PTH2R: variants seen among roughly 807,000 people sequenced by gnomAD.
The protein encoded by PTH2R is PTH2 receptor.
PTH2R carries 59 observed loss-of-function variants against 60.3 expected under a neutral mutation model. The ratio of observed to expected loss-of-function variants is 0.98; its 90% CI spans 0.79 to 1.22. PTH2R has a LOEUF of 1.22. Ranked by LOEUF, PTH2R falls within the 50% of genes most tolerant of loss-of-function variation. The pLI, the probability that PTH2R is intolerant of heterozygous loss-of-function variation, is 0.00. For synonymous variants in PTH2R, 256 were observed against 243.8 expected, an observed-to-expected ratio of 1.05 and a Z score of -0.47; for missense variants, 749 against 682.6, an observed-to-expected ratio of 1.10 and a Z score of -1.08.
At chr2:208,467,121 A>G (rs887283717) in intron 9 of PTH2R, among the ~76,000 whole-genome samples, 2 of 152,070 alleles carry the variant, frequency 1.3e-5, no homozygotes, top group African/African-American at 2.4e-5. Flanking sequence ...CTCCTTGGAG[A>G]TGTCAGACTT....
chr2:208,444,098 C>T (rs1002818841), intron 6 of PTH2R, among the ~76,000 whole-genome samples: 1 of 152,192 alleles, frequency 6.6e-6, no homozygotes, highest in African/African-American at 2.4e-5. Flanking sequence ...CTGTCTGGAT[C>T]TGTGCCTTTG....
chr2:208,470,339 G>T (rs1403980480), intron 9 of PTH2R, among the ~76,000 whole-genome samples: 1 of 152,104 alleles, frequency 6.6e-6, no homozygotes, highest in Admixed American at 6.5e-5. Context: ...GTCTTTCTAG[G>T]CCCTGCTCAA....
At chr2:208,413,169 A>G (rs1423553415) in intron 1 of PTH2R, among the ~76,000 whole-genome samples, 1 of 151,580 alleles carries the variant, frequency 6.6e-6, no homozygotes, top group Admixed American at 6.6e-5. Context: ...ACACACACAC[A>G]CAGAATGTTT....
chr2:208,407,078 G>C lies in PTH2R; in HGVS notation c.35G>C (p.Gly12Ala). 7.2e-7 allele frequency: 1 copy of C among 1,397,200 alleles called. No homozygotes were observed. The highest frequency in any genetic ancestry group is 9.4e-7 in the Non-Finnish European group (1 of 1,068,792). The allele number at this position is 1,397,200 out of a possible 1,614,324, so 86.6% of individuals were successfully genotyped here. A position where few individuals can be genotyped will look rare whatever the true frequency, so the allele number is the denominator to read the frequency against. The part of the protein sequence containing the change: ...AGLGASLHVW[G>A]WLMLGSCLLA... ...CTGGGGGCGTCGCTCCACGTCTGGG[G>C]TTGGCTAATGCTCGGCAGCTGCCTC... Residue 12 changes from glycine (G) to alanine (A), a missense_variant, in exon 1 of 13, where the codon GGT becomes GCT. By Grantham distance (60) the Gly-to-Ala change is moderately conservative. Coordinates refer to ENST00000272847, the MANE Select transcript of PTH2R (RefSeq NM_005048.4).
At chr2:208,431,700 G>A (rs1701974381) in intron 2 of PTH2R, among the ~76,000 whole-genome samples, 1 of 152,210 alleles carries the variant, frequency 6.6e-6, no homozygotes, top group Admixed American at 6.5e-5. Context: ...AGTGGGAGAA[G>A]TATCATCTTT....
intron 1 of PTH2R, among the ~76,000 whole-genome samples, chr2:208,394,728 T>G (rs938657696): frequency 1.3e-5 from 2 of 152,226 alleles, no homozygotes; most frequent in Non-Finnish European, 2.9e-5. Context: ...CTCTATATCC[T>G]GTTATTATGG....
At chr2:208,435,305 C>T (rs1448253947) in intron 2 of PTH2R, among the ~76,000 whole-genome samples, 1 of 152,126 alleles carries the variant, frequency 6.6e-6, no homozygotes, top group Non-Finnish European at 1.5e-5. Flanking sequence ...GATGGCCCTC[C>T]AAGGATGTCC....
At chr2:208,396,993 T>C (rs1701221799) in intron 1 of PTH2R, among the ~76,000 whole-genome samples, 1 of 152,152 alleles carries the variant, frequency 6.6e-6, no homozygotes, top group Admixed American at 6.5e-5. Flanking sequence ...AGGATGAGTT[T>C]ATGTCCTTTG....
At chr2:208,482,999 T>C (rs1200885217) in intron 10 of PTH2R, among the ~76,000 whole-genome samples, 1 of 152,240 alleles carries the variant, frequency 6.6e-6, no homozygotes, top group Non-Finnish European at 1.5e-5. Flanking sequence ...GCATTGTCTT[T>C]ACATAATCCT....
At chr2:208,395,578 G>A (rs767407725) in intron 1 of PTH2R, among the ~76,000 whole-genome samples, 16 of 152,134 alleles carry the variant, frequency 1.1e-4, no homozygotes, top group Non-Finnish European at 2.4e-4. Flanking sequence ...TACTTTTCTA[G>A]GCTCTACAAA....
chr2:208,437,624 A>G lies in PTH2R; in HGVS notation c.266A>G (p.Tyr89Cys). ...ATATCGGCTGTTCCATGCCCTCCTT[A>G]TATTTATGACTTCAACCATAAAGGT... ...GKISAVPCPP[Y>C]IYDFNHKGVA... is the part of the protein sequence containing the mutation. The change falls in exon 3 of 13, where the codon TAT (tyrosine) becomes TGT (cysteine). Residue 89 changes from tyrosine to cysteine, a missense_variant. Tyr to Cys is a radical substitution (Grantham distance 194). Coordinates refer to ENST00000272847, the MANE Select transcript of PTH2R (RefSeq NM_005048.4). 2.5e-6 allele frequency: 4 copies of G among 1,613,164 alleles called. No homozygotes were observed. The highest frequency in any genetic ancestry group is 3.4e-6 in the Non-Finnish European group (4 of 1,179,658).
intron 9 of PTH2R, among the ~76,000 whole-genome samples, chr2:208,471,369 G>A (rs1436356860): frequency 6.6e-6 from 1 of 152,156 alleles, no homozygotes; most frequent in Non-Finnish European, 1.5e-5. Flanking sequence ...TGGTTTTGTG[G>A]GCTAGGCCCA....
At chr2:208,469,250 G>A (rs1702826851) in intron 9 of PTH2R, among the ~76,000 whole-genome samples, 1 of 152,160 alleles carries the variant, frequency 6.6e-6, no homozygotes. Context: ...TTGTTTTTTA[G>A]TCATGCATTA....
chr2:208,387,855 AT>A (rs1174406930), intron 1 of PTH2R, among the ~76,000 whole-genome samples: 1 of 152,208 alleles, frequency 6.6e-6, no homozygotes, highest in African/African-American at 2.4e-5. Context: ...CATGTTAAAT[AT>A]CTTATTCCAG....
chr2:208,442,528 C>A lies in PTH2R; in HGVS notation c.509+67C>A. The stretch of plus-strand genomic sequence containing the variant: ...TCTTTCCTATCCAGAGAAGACATAG[C>A]GGTCTCACAATATTTTCCAAATGTT... On this transcript the variant is annotated intron_variant, in intron 5 of 12. Transcript: ENST00000272847. 4 of 1,214,702 alleles carry A rather than the reference C, an allele frequency of 3.3e-6. No homozygotes were observed. In the South Asian group the frequency reaches 4.9e-5, roughly 15 times the overall value. The allele number at this position is 1,214,702 out of a possible 1,614,324, so 75.2% of individuals were successfully genotyped here.
chr2:208,380,933 C>G (rs958217985), intron 1 of PTH2R, among the ~76,000 whole-genome samples: 2 of 152,056 alleles, frequency 1.3e-5, no homozygotes, highest in African/African-American at 4.8e-5. Flanking sequence ...AATGGATGCT[C>G]TGATTCCTCT....
intron 9 of PTH2R, among the ~76,000 whole-genome samples, chr2:208,462,822 G>A (rs910663932): frequency 6.6e-6 from 1 of 152,202 alleles, no homozygotes; most frequent in African/African-American, 2.4e-5. Flanking sequence ...GTTGAGCGTG[G>A]GTGTGGAATA....
chr2:208,415,412 C>T (rs1701621630), intron 1 of PTH2R, among the ~76,000 whole-genome samples: 1 of 152,204 alleles, frequency 6.6e-6, no homozygotes, highest in South Asian at 2.1e-4. Context: ...TACCGCTTCG[C>T]ATGGCTGTTT....
intron 10 of PTH2R, among the ~76,000 whole-genome samples, chr2:208,481,754 C>T (rs935803627): frequency 2.0e-5 from 3 of 152,146 alleles, no homozygotes; most frequent in African/African-American, 7.2e-5. Flanking sequence ...TCTTGATGAT[C>T]TTGGCAGACA....
Sources: gnomAD v4.1 joint callset for allele counts (sites outside exome capture counted in the v4.1 genomes callset) on GRCh38, gnomAD v4.1.1 for gene constraint, MANE v1.5 for transcripts, NCBI Gene and HGNC (gene_info 2026-07-23, HGNC 2026-07-21) for gene names.